HPN: variants seen among roughly 807,000 people sequenced by gnomAD.
HPN encodes serine protease hepsin.
A neutral mutation model predicts 55.9 loss-of-function variants in HPN; 13 were observed. That is an observed-to-expected ratio of 0.23 (90% confidence interval 0.15 to 0.37). The LOEUF (loss-of-function observed/expected upper bound fraction) is 0.37, where lower values mean the gene tolerates loss of function less well. HPN is among the 10% of genes least tolerant of loss of function. The pLI, the probability that HPN is intolerant of heterozygous loss-of-function variation, is 1.00. For missense variants in HPN, 451 were observed against 575.8 expected (o/e 0.78, Z 2.22); for synonymous variants, 225 against 240.3 (o/e 0.94, Z 0.59).
chr19:35,059,187 G>C (rs892936186), intron 4 of HPN: 3 of 301,280 alleles, frequency 1.0e-5, no homozygotes, highest in Non-Finnish European at 1.9e-5. Context: ...GTGCCATGGT[G>C]CTCTGTAATC....
At position 35,066,369 on chromosome 19, in the gene HPN, T is replaced by A. The variant is rs1183594551; in HGVS notation, c.*82T>A. The A allele has an allele frequency of 6.5e-7, 1 of 1,531,298 alleles. No individual in the cohort carries two copies. Among genetic ancestry groups the A allele is most frequent in the Non-Finnish European group, 8.8e-7 (1 of 1,136,582 alleles). The allele number at this position is 1,531,298 out of a possible 1,614,324, so 94.9% of individuals were successfully genotyped here. A position where few individuals can be genotyped will look rare whatever the true frequency, so the allele number is the denominator to read the frequency against. ...CCACGCTGGGCCTAGGATGGGACGT[T>A]TTTCTTCTTGGGCCCGGTCCACAGG... is the stretch of plus-strand genomic sequence containing the variant. On this transcript the variant is annotated 3_prime_UTR_variant, in exon 13 of 13. Coordinates refer to ENST00000672452, the MANE Select transcript of HPN (RefSeq NM_001384133.1).
rs948151970 is a variant in HPN at position 35,066,046 on chromosome 19, C to T, written c.1215+14C>T. On this transcript the variant is annotated intron_variant, in intron 12 of 12. Transcript: ENST00000672452. ...CAGGCCATAAAGGTGAAAGTTGGGT[C>T]CAGATGGGAGCCAGGGTGGGGACGT... 5 of 1,609,664 alleles carry T rather than the reference C, an allele frequency of 3.1e-6. No homozygotes were observed. In the African/African-American group the frequency reaches 5.3e-5, roughly 17 times the overall value.
intron 1 of HPN, 175 bp from the exon 2 acceptor site, chr19:35,042,278 G>A (rs987300834): frequency 9.1e-5 from 125 of 1,377,290 alleles, no homozygotes; most frequent in Non-Finnish European, 1.1e-4. Flanking sequence ...CCCGCTGCTG[G>A]TCAGACACTG....
intron 6 of HPN, 21 bp from the exon 7 acceptor site, chr19:35,060,108 C>A (rs1249377867): frequency 6.2e-7 from 1 of 1,614,178 alleles, no homozygotes; most frequent in Admixed American, 1.7e-5. Flanking sequence ...CTTTCTGTGT[C>A]TCCAATCCCA....
In HPN at chr19:35,049,488, C is replaced by A; in HGVS notation, c.132C>A (p.Leu44=). The part of the protein sequence containing the change: ...AASWAIVAVL[L]RSDQEPLYPV... ...CCTTCTCTGCAGTGGCTGTTCTCCT[C>A]AGGAGTGACCAGGAGCCGCTGTACC... The change falls in exon 4 of 13, where the codon CTC becomes CTA. Residue 44 remains leucine, a synonymous_variant. Coordinates refer to ENST00000672452, the MANE Select transcript of HPN (RefSeq NM_001384133.1). 6.2e-7 allele frequency: 1 copy of A among 1,606,096 alleles called. No homozygotes were observed. Among genetic ancestry groups the A allele is most frequent in the South Asian group, 1.1e-5 (1 of 90,180 alleles).
Position 35,066,280 on chromosome 19 carries a change from A to G in HPN, c.1247A>G (p.Gln416Arg). The change falls in exon 13 of 13, where the codon CAG (glutamine) becomes CGG (arginine). Residue 416 changes from glutamine to arginine, a missense_variant. Transcript: ENST00000672452. ...TCCGAAGCCAGCGGCATGGTGACCCAGCTCTGACCGGTGGCTTCTCGCTGC... is the reference window on the plus strand; with the variant it reads ...TCCGAAGCCAGCGGCATGGTGACCCGGCTCTGACCGGTGGCTTCTCGCTGC... ...THSEASGMVT[Q>R]L The G allele has an allele frequency of 6.2e-7, 1 of 1,612,846 alleles. No homozygotes were observed. The highest frequency in any genetic ancestry group is 8.5e-7 in the Non-Finnish European group (1 of 1,179,532).
rs59452377 is a variant in HPN, at chr19:35,042,263, G to A, written c.-54-190G>A. On this transcript the variant is annotated intron_variant, in intron 1 of 12. Transcript: ENST00000672452. Reference sequence around the variant, plus strand: ...GGTCCCCATCCCTGCAAATCCAGGCGTCCCCCCGCTGCTGGTCAGACACTG... The same window carrying A: ...GGTCCCCATCCCTGCAAATCCAGGCATCCCCCCGCTGCTGGTCAGACACTG... 5,471 of 1,347,414 alleles carry A rather than the reference G, an allele frequency of 4.1e-3. 171 individuals are homozygous for A. In the African/African-American group the frequency reaches 0.073, roughly 18 times the overall value. The allele number at this position is 1,347,414 out of a possible 1,614,324, so 83.5% of individuals were successfully genotyped here.
chr19:35,042,179 C>G (rs1403675593), intron 1 of HPN: 3 of 1,216,944 alleles, frequency 2.5e-6, no homozygotes, highest in Non-Finnish European at 3.1e-6. Context: ...AGGTCCTCAG[C>G]TGTCTCCTCC....
At position 35,060,807 on chromosome 19, in the gene HPN, G is replaced by A; in HGVS notation, c.801G>A (p.Leu267=). The A allele has an allele frequency of 6.3e-7, 1 of 1,581,662 alleles. No homozygotes were observed. Among genetic ancestry groups the A allele is most frequent in the Non-Finnish European group, 8.6e-7 (1 of 1,162,574 alleles). Residue 267 remains leucine, a synonymous_variant, in exon 9 of 13, where the codon CTG becomes CTA. Transcript: ENST00000672452. ...CCCTGGTCCACCTCTCCAGTCCCCT[G>A]CCCCTCACAGGTAAGTCTAAGGGCT... is the stretch of plus-strand genomic sequence containing the variant. The part of the protein sequence containing the change: ...DIALVHLSSP[L]PLTEYIQPVC...
intron 9 of HPN, among the ~76,000 whole-genome samples, chr19:35,064,451 C>T (rs1359144616): frequency 1.3e-5 from 2 of 151,370 alleles, no homozygotes; most frequent in Non-Finnish European, 2.9e-5. Context: ...TAGGTTCAAG[C>T]GATTCTCCTG....
intron 9 of HPN, among the ~76,000 whole-genome samples, chr19:35,061,660 C>T (rs2064534442): frequency 6.6e-6 from 1 of 151,936 alleles, no homozygotes; most frequent in African/African-American, 2.4e-5. Flanking sequence ...AATATTGGAC[C>T]ATAGAAATGA....
At chr19:35,042,414 G>T (rs2064303527) in intron 1 of HPN, 39 bp from the exon 2 acceptor site, 1 of 1,530,636 alleles carries the variant, frequency 6.5e-7, no homozygotes, top group Admixed American at 2.0e-5. Flanking sequence ...GCTGGGCTGG[G>T]CTCCCCCAGG....
chr19:35,066,150 G>C (rs2064606808), intron 12 of HPN, 99 bp from the exon 13 acceptor site: 1 of 1,612,906 alleles, frequency 6.2e-7, no homozygotes, highest in Non-Finnish European at 8.5e-7. Flanking sequence ...GGCCCCCCTT[G>C]GGAACAGATG....
In HPN at chr19:35,045,108, G is replaced by T. The variant is rs541346849; in HGVS notation, c.16+2586G>T. ...AGGGACTAGGAGGTCCCAGGGAAAGGTATTTAAAAGGTATTTAAAGGACTG... is the reference window on the plus strand; with the variant it reads ...AGGGACTAGGAGGTCCCAGGGAAAGTTATTTAAAAGGTATTTAAAGGACTG... On this transcript the variant is annotated intron_variant, in intron 2 of 12. Transcript: ENST00000672452. Among the ~76,000 whole-genome samples the T allele has an allele frequency of 2.6e-5, 4 of 152,178 alleles. No individual in the cohort carries two copies. In the South Asian group the frequency reaches 6.2e-4, roughly 24 times the overall value.
intron 3 of HPN, 29 bp downstream of exon 3, chr19:35,049,420 C>T: frequency 6.2e-7 from 1 of 1,611,750 alleles, no homozygotes; most frequent in Non-Finnish European, 8.5e-7. Flanking sequence ...CCTCTGACCT[C>T]CCCTGGCCCC....
Position 35,041,884 on chromosome 19 carries a change from G to A in HPN, c.-55+12G>A, listed in dbSNP as rs1444260952. ...TGCTGGACCCCAGGGTAAGGACAAG[G>A]GCCCCCAGACTCACAGTTCCAGCCC... is the stretch of plus-strand genomic sequence containing the variant. On this transcript the variant is annotated intron_variant, in intron 1 of 12. Transcript: ENST00000672452. 3 of 1,334,992 alleles carry A rather than the reference G, an allele frequency of 2.2e-6. No homozygotes were observed. Among genetic ancestry groups the A allele is most frequent in the East Asian group, 4.9e-5 (1 of 20,594 alleles). 82.7% of individuals were successfully genotyped at this position (1,334,992 alleles called of 1,614,324 possible).
rs1043366879 is a variant in HPN at position 35,054,719 on chromosome 19, C to T, written c.161-4954C>T. On this transcript the variant is annotated intron_variant, in intron 4 of 12. Transcript: ENST00000672452. ...GAAGCCACCCCACCTCTCTGAGCCT[C>T]AGCTTCCCCGTCTGGAATTTGGGGA... Among the ~76,000 whole-genome samples the T allele has an allele frequency of 2.0e-5, 3 of 152,214 alleles. No individual in the cohort carries two copies. The South Asian group carries it at 6.2e-4, about 32-fold the overall frequency.
At chr19:35,065,782 T>C (rs2064600819) in intron 11 of HPN, 86 bp from the exon 12 acceptor site, 1 of 1,592,964 alleles carries the variant, frequency 6.3e-7, no homozygotes, top group Non-Finnish European at 8.6e-7. Context: ...GCCTGAGGGC[T>C]CTGGGGCCAC....
At position 35,066,562 on chromosome 19, in the gene HPN, G is replaced by A. The variant is rs904415504; in HGVS notation, c.*275G>A. On this transcript the variant is annotated 3_prime_UTR_variant, in exon 13 of 13. Coordinates refer to ENST00000672452, the MANE Select transcript of HPN (RefSeq NM_001384133.1). ...GGGATGCTCTTTAAATAATAAAGAT[G>A]GTTTTGATTAATGTGGCCTCCGAGC... 3.2e-5 allele frequency: 16 copies of A among 505,440 alleles called. No homozygotes were observed. Among genetic ancestry groups the A allele is most frequent in the Non-Finnish European group, 4.9e-5 (14 of 284,844 alleles). The allele number at this position is 505,440 out of a possible 1,614,324, so 31.3% of individuals were successfully genotyped here.
Sources: gnomAD v4.1 joint callset for allele counts (sites outside exome capture counted in the v4.1 genomes callset) on GRCh38, gnomAD v4.1.1 for gene constraint, MANE v1.5 for transcripts, NCBI Gene and HGNC (gene_info 2026-07-23, HGNC 2026-07-21) for gene names.